Variants in CACNB2 observed in about 807,000 individuals in gnomAD.
CACNB2 encodes voltage-dependent L-type calcium channel subunit beta-2.
Under a neutral mutation model 73.3 loss-of-function variants are expected in CACNB2, and 42 were observed. The ratio of observed to expected loss-of-function variants is 0.57; its 90% CI spans 0.45 to 0.74. The LOEUF (loss-of-function observed/expected upper bound fraction) is 0.74. Ranked by LOEUF, CACNB2 falls within the 30% of genes least tolerant of loss-of-function variation. The pLI is 0.00. For missense variants in CACNB2, 940 were observed against 853.0 expected (o/e 1.10, Z -1.27); for synonymous variants, 348 against 310.3 (o/e 1.12, Z -1.28).
chr10:18,411,558 G>C (rs927561600), intron 3 of CACNB2, among the ~76,000 whole-genome samples: 2 of 148,726 alleles, frequency 1.3e-5, no homozygotes, highest in Admixed American at 6.7e-5. Context: ...GCCCAGGCTG[G>C]AGTGTAGTGC....
chr10:18,330,825 C>T (rs915319840), intron 2 of CACNB2, among the ~76,000 whole-genome samples: 3 of 151,186 alleles, frequency 2.0e-5, no homozygotes, highest in African/African-American at 7.3e-5. Context: ...CCCGCCACCA[C>T]GCCTGGCTGA....
chr10:18,297,112 G>A (rs184618390), intron 2 of CACNB2, among the ~76,000 whole-genome samples: 84 of 152,226 alleles, frequency 5.5e-4, no homozygotes, highest in Middle Eastern at 3.4e-3. Context: ...GGGATTTATC[G>A]TCTTGTATCT....
At chr10:18,408,009 G>C (rs1361536511) in intron 3 of CACNB2, among the ~76,000 whole-genome samples, 1 of 151,822 alleles carries the variant, frequency 6.6e-6, no homozygotes, top group Non-Finnish European at 1.5e-5. Context: ...TCATATATTT[G>C]AAGTGAAAAT....
At chr10:18,245,393 A>G (rs1005915923) in intron 2 of CACNB2, among the ~76,000 whole-genome samples, 1 of 152,168 alleles carries the variant, frequency 6.6e-6, no homozygotes, top group Non-Finnish European at 1.5e-5. Flanking sequence ...ATCAGAGCTC[A>G]CTGCAGCCTC....
intron 2 of CACNB2, among the ~76,000 whole-genome samples, chr10:18,359,222 A>G (rs1413660127): frequency 6.6e-6 from 1 of 152,148 alleles, no homozygotes; most frequent in Non-Finnish European, 1.5e-5. Flanking sequence ...ATAAATAAAT[A>G]GATGTGGGAA....
chr10:18,429,396 T>G lies in CACNB2; in HGVS notation c.333+27353T>G, dbSNP rs574526127. On this transcript the variant is annotated intron_variant, in intron 3 of 13. Coordinates refer to ENST00000324631, the MANE Select transcript of CACNB2 (RefSeq NM_201596.3). ...TGTTTCACTTTTTCCTGCTTCGGAT[T>G]CATTGTGCCTCCTGAATATGAGGAT... 1.4e-3 allele frequency among the ~76,000 whole-genome samples: 212 copies of G among 152,314 alleles called. 3 individuals carry two copies. The highest frequency in any genetic ancestry group is 5.0e-4 in the Non-Finnish European group (34 of 68,028).
chr10:18,440,137 TG>T (rs1352158178), intron 3 of CACNB2, among the ~76,000 whole-genome samples: 1 of 152,052 alleles, frequency 6.6e-6, no homozygotes, highest in Non-Finnish European at 1.5e-5. Flanking sequence ...TGTCTTCATG[TG>T]GGAGAGGGAG....
intron 3 of CACNB2, among the ~76,000 whole-genome samples, chr10:18,439,830 C>T (rs1319956096): frequency 2.0e-5 from 3 of 152,192 alleles, no homozygotes; most frequent in South Asian, 2.1e-4. Context: ...TGCCAGTGAT[C>T]TCCCAGCCAC....
chr10:18,325,369 AT>A (rs1412501972), intron 2 of CACNB2, among the ~76,000 whole-genome samples: 1 of 151,040 alleles, frequency 6.6e-6, no homozygotes, highest in Non-Finnish European at 1.5e-5. Context: ...TTTTTTTTAA[AT>A]TTTTTGTAGA....
intron 2 of CACNB2, among the ~76,000 whole-genome samples, chr10:18,174,200 C>T (rs943444372): frequency 8.0e-5 from 12 of 150,516 alleles, no homozygotes; most frequent in African/African-American, 2.0e-4. Flanking sequence ...CTCCCTCCCT[C>T]CTTCTTTCCC....
chr10:18,360,047 C>T (rs1481698009), intron 2 of CACNB2, among the ~76,000 whole-genome samples: 2 of 152,044 alleles, frequency 1.3e-5, no homozygotes, highest in African/African-American at 4.8e-5. Flanking sequence ...ATAGGGTGAT[C>T]CAGCGTCACA....
intron 2 of CACNB2, chr10:18,261,247 T>A: frequency 6.4e-7 from 1 of 1,550,932 alleles, no homozygotes; most frequent in Non-Finnish European, 8.7e-7. Flanking sequence ...AGCCACACGC[T>A]GACTGCGTTC....
intron 3 of CACNB2, among the ~76,000 whole-genome samples, chr10:18,472,911 T>A (rs2048264867): frequency 6.6e-6 from 1 of 152,198 alleles, no homozygotes; most frequent in Admixed American, 6.5e-5. Context: ...GCCATTTGTA[T>A]TTTCAACAAG....
rs1393130188 is a variant in CACNB2, at chr10:18,540,488, G to GTACA, written c.*768_*771dup. On this transcript the variant is annotated 3_prime_UTR_variant, in exon 14 of 14. Coordinates refer to ENST00000324631, the MANE Select transcript of CACNB2 (RefSeq NM_201596.3). Reference sequence around the variant, plus strand: ...CTATCCTCATTCTAGTAGAAAGTGTGTACATACTGTAAATATGTGTGATTG... The same window carrying GTACA: ...CTATCCTCATTCTAGTAGAAAGTGTGTACATACATACTGTAAATATGTGTGATTG... 6.6e-6 allele frequency: 1 copy of GTACA among 152,490 alleles called. No individual in the cohort carries two copies. Among genetic ancestry groups the GTACA allele is most frequent in the African/African-American group, 2.4e-5 (1 of 41,408 alleles). The allele number at this position is 152,490 out of a possible 1,614,324, so 9.4% of individuals were successfully genotyped here.
chr10:18,200,179 C>A (rs906184545), intron 2 of CACNB2, among the ~76,000 whole-genome samples: 1 of 151,894 alleles, frequency 6.6e-6, no homozygotes, highest in Non-Finnish European at 1.5e-5. Flanking sequence ...TACGTGACAA[C>A]AATTGAAAAG....
chr10:18,157,398 A>C (rs2032138050), intron 2 of CACNB2, among the ~76,000 whole-genome samples: 1 of 152,208 alleles, frequency 6.6e-6, no homozygotes, highest in Non-Finnish European at 1.5e-5. Flanking sequence ...GCTTACCTCA[A>C]AATTAGGTGT....
chr10:18,199,391 T>G (rs1476075135), intron 2 of CACNB2, among the ~76,000 whole-genome samples: 2 of 152,134 alleles, frequency 1.3e-5, no homozygotes, highest in African/African-American at 4.8e-5. Flanking sequence ...GACATTGGGC[T>G]GATATTTTGA....
At chr10:18,404,141 A>G (rs2044158915) in intron 3 of CACNB2, among the ~76,000 whole-genome samples, 1 of 152,068 alleles carries the variant, frequency 6.6e-6, no homozygotes. Context: ...AAAATAGTTT[A>G]TTTATATTTT....
chr10:18,475,773 T>C (rs2048410418), intron 3 of CACNB2, among the ~76,000 whole-genome samples: 1 of 152,222 alleles, frequency 6.6e-6, no homozygotes, highest in South Asian at 2.1e-4. Flanking sequence ...GAGAGCTTTG[T>C]GTGTTCAGAC....
Sources: allele counts gnomAD v4.1 joint callset (sites outside exome capture counted in the v4.1 genomes callset), GRCh38; gene constraint gnomAD v4.1.1; transcripts MANE v1.5; gene names NCBI Gene and HGNC (gene_info 2026-07-23, HGNC 2026-07-21).